SLX9: variants seen among roughly 807,000 people sequenced by gnomAD.
The protein encoded by SLX9 is ribosome biogenesis protein SLX9 homolog.
Under a neutral mutation model 20.8 loss-of-function variants are expected in SLX9, and 19 were observed. That is an observed-to-expected ratio of 0.91 (90% CI 0.64 to 1.34). The LOEUF (loss-of-function observed/expected upper bound fraction) is 1.34, where lower values mean the gene tolerates loss of function less well. Ranked by LOEUF, SLX9 falls within the 40% of genes most tolerant of loss-of-function variation. The pLI, the probability that SLX9 is intolerant of heterozygous loss-of-function variation, is 0.00. For synonymous variants in SLX9, 113 were observed against 137.1 expected (o/e 0.82, Z 1.23); for missense variants, 299 against 322.2 (o/e 0.93, Z 0.55).
At chr21:44,945,143 G>A (rs964439943) in intron 2 of SLX9, among the ~76,000 whole-genome samples, 5 of 152,164 alleles carry the variant, frequency 3.3e-5, no homozygotes, top group Non-Finnish European at 5.9e-5. Context: ...ACAAAGCGGC[G>A]ACAGACATAG....
chr21:44,949,894 C>A (rs1413808746), intron 2 of SLX9, among the ~76,000 whole-genome samples: 2 of 152,188 alleles, frequency 1.3e-5, no homozygotes, highest in Non-Finnish European at 2.9e-5. Flanking sequence ...GAGGGCGCGA[C>A]CTTGGCTTCC....
chr21:44,974,652 G>A (rs373921531), intron 5 of SLX9, among the ~76,000 whole-genome samples: 8 of 152,280 alleles, frequency 5.3e-5, no homozygotes, highest in East Asian at 1.9e-4. Context: ...TGCAGCCTCC[G>A]CCTCCTGGGC....
chr21:44,941,008 G>GCTTTTGAAC (rs59386189), intron 1 of SLX9, among the ~76,000 whole-genome samples: 64,786 of 151,448 alleles, frequency 0.43, 15,104 homozygotes, highest in African/African-American at 0.62. Context: ...GCCCAGAGGT[G>GCTTTTGAAC]CTTTTGAACC....
chr21:44,969,249 T>C (rs1365753035), intron 4 of SLX9: 1 of 468,898 alleles, frequency 2.1e-6, no homozygotes, highest in Admixed American at 2.3e-5. Flanking sequence ...ACCAGAGCAC[T>C]GGGTCCAGAA....
chr21:44,973,246 G>T lies in SLX9; in HGVS notation c.550G>T (p.Ala184Ser). ...RPSELSRMSA[A>S]QRQQLLEEER... The stretch of plus-strand genomic sequence containing the variant: ...CTCAGAGCTCAGCCGGATGAGCGCA[G>T]CCCAGAGACAGCAGCTTCTGTGAGT... The change falls in exon 5 of 6, where the codon GCC (alanine) becomes TCC (serine). Residue 184 changes from alanine to serine, a missense_variant. Physicochemically the swap from Ala to Ser is moderately conservative, Grantham distance 99. Transcript: ENST00000291634. 6.2e-7 allele frequency: 1 copy of T among 1,612,666 alleles called. No homozygotes were observed. Among genetic ancestry groups the T allele is most frequent in the South Asian group, 1.1e-5 (1 of 91,052 alleles).
chr21:44,976,226 C>T (rs925594024), intron 5 of SLX9, among the ~76,000 whole-genome samples: 6 of 152,258 alleles, frequency 3.9e-5, no homozygotes, highest in African/African-American at 1.4e-4. Context: ...CGCCGTGGCA[C>T]CCATCTGGGG....
intron 2 of SLX9, among the ~76,000 whole-genome samples, chr21:44,951,406 C>T (rs994983073): frequency 2.0e-5 from 3 of 152,098 alleles, no homozygotes; most frequent in Non-Finnish European, 2.9e-5. Context: ...TGGCCCTTGC[C>T]GGTCCTGTTC....
At chr21:44,973,411 C>A in intron 5 of SLX9, 146 bp downstream of exon 5, 2 of 594,332 alleles carry the variant, frequency 3.4e-6, no homozygotes, top group South Asian at 3.9e-5. Flanking sequence ...ACCCCGCCCA[C>A]CCTCTCCAGG....
At chr21:44,975,530 C>T (rs564466795) in intron 5 of SLX9, among the ~76,000 whole-genome samples, 10 of 152,252 alleles carry the variant, frequency 6.6e-5, no homozygotes, top group Non-Finnish European at 1.2e-4. Context: ...GTCACTGTCA[C>T]GGCTCCTTTC....
chr21:44,963,892 G>A (rs2084988946), intron 3 of SLX9, among the ~76,000 whole-genome samples: 1 of 152,284 alleles, frequency 6.6e-6, no homozygotes, highest in East Asian at 1.9e-4. Flanking sequence ...GATATTCTAA[G>A]TCCTTGGCAT....
At chr21:44,967,395 C>T (rs1191788923) in intron 4 of SLX9, among the ~76,000 whole-genome samples, 1 of 152,196 alleles carries the variant, frequency 6.6e-6, no homozygotes, top group Non-Finnish European at 1.5e-5. Flanking sequence ...TCGGGGGCAC[C>T]CAGGCCCACC....
intron 2 of SLX9, among the ~76,000 whole-genome samples, chr21:44,952,716 A>G (rs931153712): frequency 6.6e-6 from 1 of 152,156 alleles, no homozygotes; most frequent in South Asian, 2.1e-4. Flanking sequence ...TGTCCGTGTC[A>G]TGTGCTCCGG....
chr21:44,958,425 G>T (rs866766973), intron 2 of SLX9: 2 of 152,326 alleles, frequency 1.3e-5, no homozygotes, highest in African/African-American at 4.8e-5. Flanking sequence ...CTTGTCGTAG[G>T]TAAGTTTAGA....
chr21:44,965,404 C>G (rs1419699347), intron 3 of SLX9, among the ~76,000 whole-genome samples: 1 of 152,056 alleles, frequency 6.6e-6, no homozygotes, highest in Admixed American at 6.6e-5. Context: ...GTGGGATTGT[C>G]GATATTGTGG....
intron 2 of SLX9, among the ~76,000 whole-genome samples, chr21:44,945,304 C>A (rs1056243388): frequency 6.6e-6 from 1 of 152,238 alleles, no homozygotes; most frequent in Non-Finnish European, 1.5e-5. Context: ...CAGCCAGGAA[C>A]GCTTGATGTG....
intron 2 of SLX9, among the ~76,000 whole-genome samples, chr21:44,949,258 T>C (rs1252951534): frequency 3.3e-5 from 5 of 152,128 alleles, no homozygotes; most frequent in African/African-American, 9.7e-5. Context: ...CTCGCACGGT[T>C]TGTGGCCTTG....
At chr21:44,968,692 C>T (rs1209162052) in intron 4 of SLX9, among the ~76,000 whole-genome samples, 14 of 151,922 alleles carry the variant, frequency 9.2e-5, no homozygotes, top group Middle Eastern at 3.4e-3. Flanking sequence ...GGAAAGAGGC[C>T]GGACCACTCT....
Position 44,957,450 on chromosome 21 carries a change from C to T in SLX9, c.284-2650C>T, listed in dbSNP as rs2329942. Among the ~76,000 whole-genome samples the T allele has an allele frequency of 6.4e-4, 97 of 152,376 alleles. 1 individual carries two copies. The highest frequency in any genetic ancestry group is 1.0e-3 in the South Asian group (5 of 4,832). On this transcript the variant is annotated intron_variant, in intron 2 of 5. Transcript: ENST00000291634. ...CTCAGGCAAGGGCACGGCTTCTCCT[C>T]ATCCTCCTCCTCTTCATCTCCACCA...
intron 1 of SLX9, among the ~76,000 whole-genome samples, chr21:44,942,650 C>G (rs1442704308): frequency 6.6e-6 from 1 of 152,100 alleles, no homozygotes. Flanking sequence ...AAAAGCGTAC[C>G]CATTCATTGA....
Sources: gnomAD v4.1 joint callset for allele counts (sites outside exome capture counted in the v4.1 genomes callset) on GRCh38, gnomAD v4.1.1 for gene constraint, MANE v1.5 for transcripts, NCBI Gene and HGNC (gene_info 2026-07-23, HGNC 2026-07-21) for gene names.